The following LRCH2 variants were observed in gnomAD, a reference collection of about 807,000 sequenced individuals.
The protein encoded by LRCH2 is leucine rich repeats and calponin homology domain containing 2.
A neutral mutation model predicts 68.9 loss-of-function variants in LRCH2; 38 were observed. That is an observed-to-expected ratio of 0.55 (90% CI 0.43 to 0.72). LRCH2 has a LOEUF of 0.72. Ranked by LOEUF, LRCH2 falls within the 30% of genes least tolerant of loss-of-function variation. The pLI is 0.00. For missense variants in LRCH2, 528 were observed against 572.9 expected, an observed-to-expected ratio of 0.92 and a Z score of 0.80; for synonymous variants, 191 against 208.1, an observed-to-expected ratio of 0.92 and a Z score of 0.71.
chrX:115,184,424 T>C lies in LRCH2; in HGVS notation c.608A>G (p.Asp203Gly), dbSNP rs782216735. 4.3e-6 allele frequency: 5 copies of C among 1,171,301 alleles called. No homozygotes were observed. The South Asian group carries it at 1.0e-4, about 24-fold the overall frequency. Residue 203 changes from aspartate (D) to glycine (G), a missense_variant, in exon 3 of 21, where the codon GAT (aspartate) becomes GGT (glycine). Physicochemically the swap from Asp to Gly is moderately conservative, Grantham distance 94. Coordinates refer to ENST00000317135, the MANE Select transcript of LRCH2 (RefSeq NM_020871.4). ...TAAGTTACTCACCAATTCCATTAAA[T>C]CTTTTAACTTCCCAATTTCTTCTGG... ...SIPEEIGKLK[D>G]LMELDISCNE... is the part of the protein sequence containing the mutation.
intron 1 of LRCH2, among the ~76,000 whole-genome samples, chrX:115,189,148 T>A (rs1012325921): frequency 2.1e-4 from 23 of 112,079 alleles, no homozygotes; most frequent in African/African-American, 7.5e-4. Flanking sequence ...ACCATATCAA[T>A]AACCATTCCA....
intron 20 of LRCH2, among the ~76,000 whole-genome samples, chrX:115,121,580 G>A (rs2072143465): frequency 8.9e-6 from 1 of 112,150 alleles, no homozygotes; most frequent in Non-Finnish European, 1.9e-5. Flanking sequence ...GAACTGGGAG[G>A]CGGCGGTTGC....
At chrX:115,221,017 TA>T (rs1206625047) in intron 1 of LRCH2, among the ~76,000 whole-genome samples, 80 of 105,280 alleles carry the variant, frequency 7.6e-4, no homozygotes, top group African/African-American at 2.7e-3. Context: ...CTACTAAAAA[TA>T]CAAAAAAAAT....
chrX:115,191,344 G>A lies in LRCH2; in HGVS notation c.350-2974C>T, dbSNP rs781984868. 2.5e-5 allele frequency: 29 copies of A among 1,148,133 alleles called. No individual in the cohort carries two copies. The African/African-American group carries it at 4.2e-4, about 17-fold the overall frequency. The allele number at this position is 1,148,133 out of a possible 1,213,427, so 94.6% of individuals were successfully genotyped here. A position where few individuals can be genotyped will look rare whatever the true frequency, so the allele number is the denominator to read the frequency against. On this transcript the variant is annotated intron_variant, in intron 1 of 20. Coordinates refer to ENST00000317135, the MANE Select transcript of LRCH2 (RefSeq NM_020871.4). ...AGGAGGCCGCTACGAGGAGTACCGA[G>A]GCCGCTCCCTTGATGCCAACAGTGG...
rs782421264 is a variant in LRCH2, at chrX:115,142,968, T to A, written c.1695+6859A>T. The stretch of plus-strand genomic sequence containing the variant: ...TACAAAAATTAGCTGGGTGTGGTGG[T>A]GCCTGTAGTCCCAGCTACTTGGAAG... On this transcript the variant is annotated intron_variant, in intron 14 of 20. Transcript: ENST00000317135. Among the ~76,000 whole-genome samples, 11 of 110,035 alleles carry A rather than the reference T, an allele frequency of 1.0e-4. No homozygotes were observed. In the East Asian group the frequency reaches 2.9e-3, roughly 29 times the overall value.
chrX:115,213,958 T>C (rs1556570676), intron 1 of LRCH2, among the ~76,000 whole-genome samples: 4 of 112,141 alleles, frequency 3.6e-5, no homozygotes, highest in Non-Finnish European at 7.5e-5. Context: ...TGATAGGTAA[T>C]GTTCATAAAG....
intron 1 of LRCH2, chrX:115,198,595 G>A (rs1028791742): frequency 3.0e-4 from 47 of 156,000 alleles, no homozygotes; most frequent in African/African-American, 1.3e-3. Context: ...CCATACGAGC[G>A]GTGCACCATG....
At chrX:115,223,465 C>T (rs1429988526) in intron 1 of LRCH2, among the ~76,000 whole-genome samples, 1 of 108,286 alleles carries the variant, frequency 9.2e-6, no homozygotes, top group African/African-American at 3.4e-5. Context: ...AAAAAAACCT[C>T]TTACAACTCA....
At chrX:115,188,848 T>C (rs1210411724) in intron 1 of LRCH2, among the ~76,000 whole-genome samples, 1 of 111,963 alleles carries the variant, frequency 8.9e-6, no homozygotes, top group Non-Finnish European at 1.9e-5. Flanking sequence ...GAAAAAAACC[T>C]CATAGAACGC....
chrX:115,174,439 T>C (rs1216546820), intron 5 of LRCH2, among the ~76,000 whole-genome samples: 2 of 109,499 alleles, frequency 1.8e-5, no homozygotes, highest in African/African-American at 6.7e-5. Context: ...TTTTTAAGGT[T>C]CCACATATAC....
chrX:115,233,983 C>T lies in LRCH2; in HGVS notation c.59G>A (p.Gly20Glu), dbSNP rs782570449. ...AGCCGTGCCACAGCCACCGCTACTT[C>T]CACCTCCACCACAACCGCCGCCCCC... ...NSGGGGCGGG[G>E]SSGGCGTAGG... Residue 20 changes from glycine to glutamate, a missense_variant, in exon 1 of 21, where the codon GGA becomes GAA. Physicochemically the swap from Gly to Glu is moderately conservative, Grantham distance 98 (BLOSUM62 -2). Coordinates refer to ENST00000317135, the MANE Select transcript of LRCH2 (RefSeq NM_020871.4). 8.6e-7 allele frequency: 1 copy of T among 1,162,804 alleles called. No homozygotes were observed.
At chrX:115,228,894 A>G (rs2073135832) in intron 1 of LRCH2, among the ~76,000 whole-genome samples, 1 of 111,184 alleles carries the variant, frequency 9.0e-6, no homozygotes, top group South Asian at 3.7e-4. Context: ...ACAGTATATT[A>G]AAATATATTA....
chrX:115,174,275 A>AT lies in LRCH2; in HGVS notation c.865-3844dup, dbSNP rs1196506123. 2.7e-5 allele frequency among the ~76,000 whole-genome samples: 3 copies of AT among 110,918 alleles called. No homozygotes were observed. The East Asian group carries it at 8.5e-4, about 31-fold the overall frequency. On this transcript the variant is annotated intron_variant, in intron 5 of 20. Coordinates refer to ENST00000317135, the MANE Select transcript of LRCH2 (RefSeq NM_020871.4). ...ACAAATTTCAAGTAAATACAATATT[A>AT]TTAACTATTATCAGCATGATATACA...
intron 11 of LRCH2, among the ~76,000 whole-genome samples, chrX:115,158,366 A>T (rs893813509): frequency 8.9e-6 from 1 of 111,966 alleles, no homozygotes; most frequent in Non-Finnish European, 1.9e-5. Context: ...AAGCAGAAAC[A>T]AAAGAATACA....
intron 12 of LRCH2, among the ~76,000 whole-genome samples, chrX:115,151,774 G>T (rs1417749876): frequency 2.7e-5 from 3 of 111,255 alleles, no homozygotes; most frequent in South Asian, 7.6e-4. Context: ...CTTTAGAGAT[G>T]AGTAAGGAGG....
intron 17 of LRCH2, 101 bp from the exon 18 acceptor site, chrX:115,123,293 A>T (rs1164327673): frequency 3.7e-6 from 2 of 547,117 alleles, no homozygotes; most frequent in Admixed American, 3.7e-5. Flanking sequence ...ATTACATAAA[A>T]TATTATTACT....
intron 14 of LRCH2, among the ~76,000 whole-genome samples, chrX:115,146,587 G>A (rs2147368697): frequency 9.2e-6 from 1 of 109,134 alleles, no homozygotes; most frequent in Non-Finnish European, 1.9e-5. Flanking sequence ...AATAAAAAAA[G>A]ATGTTTAATA....
At chrX:115,136,630 A>C (rs2072292617) in intron 14 of LRCH2, among the ~76,000 whole-genome samples, 1 of 111,638 alleles carries the variant, frequency 9.0e-6, no homozygotes, top group African/African-American at 3.3e-5. Flanking sequence ...GCTAATGGGC[A>C]TTCTCAGAAG....
chrX:115,138,676 A>G (rs1376113233), intron 14 of LRCH2, among the ~76,000 whole-genome samples: 2 of 111,970 alleles, frequency 1.8e-5, no homozygotes, highest in African/African-American at 6.5e-5. Flanking sequence ...ATACTTAAGA[A>G]CTTAGAAAAT....
Sources: allele counts gnomAD v4.1 joint callset (sites outside exome capture counted in the v4.1 genomes callset), GRCh38; gene constraint gnomAD v4.1.1; transcripts MANE v1.5; gene names NCBI Gene and HGNC (gene_info 2026-07-23, HGNC 2026-07-21).